The following PEMT variants were observed in gnomAD, a reference collection of about 807,000 sequenced individuals.
The protein encoded by PEMT is phospholipid methyltransferase.
Under a neutral mutation model 27.4 loss-of-function variants are expected in PEMT, and 23 were observed. The observed-to-expected ratio is 0.84, with a 90% CI of 0.60 to 1.19. PEMT has a LOEUF of 1.19. Ranked by LOEUF, PEMT falls within the 50% of genes most tolerant of loss-of-function variation. PEMT has a pLI of 0.00. For missense variants in PEMT, 307 were observed against 310.1 expected (o/e 0.99, Z 0.07); for synonymous variants, 137 against 139.1 (o/e 0.98, Z 0.11).
intron 2 of PEMT, among the ~76,000 whole-genome samples, chr17:17,540,587 C>G (rs1017767821): frequency 2.0e-5 from 3 of 152,220 alleles, no homozygotes; most frequent in African/African-American, 7.2e-5. Flanking sequence ...CTTGAGGACA[C>G]TGTCAGAAGG....
intron 2 of PEMT, 72 bp from the exon 3 acceptor site, chr17:17,522,467 G>A: frequency 1.1e-6 from 1 of 921,026 alleles, no homozygotes; most frequent in Non-Finnish European, 1.8e-6. Flanking sequence ...GGGAGCACAT[G>A]CCTCTCTCTG....
chr17:17,546,570 G>C (rs1909275071), intron 2 of PEMT, among the ~76,000 whole-genome samples: 1 of 152,214 alleles, frequency 6.6e-6, no homozygotes, highest in South Asian at 2.1e-4. Context: ...AAGATAACGG[G>C]ATGGCATCAG....
rs192141959 is a variant in PEMT at position 17,527,336 on chromosome 17, G to A, written c.205-4941C>T. 1.6e-3 allele frequency among the ~76,000 whole-genome samples: 247 copies of A among 152,258 alleles called. 1 individual carries two copies. The highest frequency in any genetic ancestry group is 1.1e-3 in the Non-Finnish European group (76 of 68,020). On this transcript the variant is annotated intron_variant, in intron 2 of 6. Coordinates refer to ENST00000255389, the MANE Select transcript of PEMT (RefSeq NM_148172.3). ...ACAGGAGTGAGCCACTGTGCCCGGT[G>A]AGGGTAGAATTTTTAAATCCCTCTT...
At chr17:17,535,782 G>A (rs949625670) in intron 2 of PEMT, among the ~76,000 whole-genome samples, 5 of 152,180 alleles carry the variant, frequency 3.3e-5, no homozygotes, top group Non-Finnish European at 7.3e-5. Context: ...CTGGGCATTG[G>A]GTACGGTGGT....
At chr17:17,552,613 G>A (rs751398163) in intron 2 of PEMT, among the ~76,000 whole-genome samples, 1 of 152,236 alleles carries the variant, frequency 6.6e-6, no homozygotes, top group Non-Finnish European at 1.5e-5. Context: ...AGACCTGCAG[G>A]CTGCAGAAAT....
upstream of PEMT, chr17:17,592,074 C>T: frequency 3.1e-6 from 3 of 983,520 alleles, no homozygotes; most frequent in Non-Finnish European, 3.6e-6. Flanking sequence ...GGACTTGGCC[C>T]GGGTCACACA....
At chr17:17,566,680 C>G (rs1910847493) in intron 2 of PEMT, among the ~76,000 whole-genome samples, 1 of 152,226 alleles carries the variant, frequency 6.6e-6, no homozygotes, top group African/African-American at 2.4e-5. Context: ...TGCAAAGGCA[C>G]TGAAGTACGG....
At chr17:17,587,373 C>T (rs904845951) in intron 1 of PEMT, among the ~76,000 whole-genome samples, 5 of 152,084 alleles carry the variant, frequency 3.3e-5, no homozygotes, top group Non-Finnish European at 7.4e-5. Context: ...AAAATTCATT[C>T]AAGAAATAAT....
chr17:17,591,417 G>T, intron 1 of PEMT, 114 bp downstream of exon 1: 88 of 721,972 alleles, frequency 1.2e-4, no homozygotes, highest in Non-Finnish European at 1.6e-4. Context: ...CGCCCCCATT[G>T]CCTGGGAACT....
At chr17:17,525,979 G>A (rs1907633126) in intron 2 of PEMT, among the ~76,000 whole-genome samples, 1 of 144,414 alleles carries the variant, frequency 6.9e-6, no homozygotes, top group South Asian at 2.2e-4. Context: ...GGGTGACAGA[G>A]CGAAACTCTG....
At chr17:17,529,779 T>C (rs1874196124) in intron 2 of PEMT, among the ~76,000 whole-genome samples, 1 of 152,180 alleles carries the variant, frequency 6.6e-6, no homozygotes, top group Admixed American at 6.5e-5. Flanking sequence ...AATAGGAACA[T>C]GGGCTCTGAG....
chr17:17,521,674 C>T (rs1424618046), intron 3 of PEMT, among the ~76,000 whole-genome samples: 2 of 152,222 alleles, frequency 1.3e-5, no homozygotes, highest in East Asian at 1.9e-4. Context: ...AAGCAATTCT[C>T]CTGCCTCAGC....
intron 2 of PEMT, among the ~76,000 whole-genome samples, chr17:17,552,534 G>A (rs1370775791): frequency 3.3e-5 from 5 of 152,176 alleles, no homozygotes; most frequent in African/African-American, 9.7e-5. Flanking sequence ...CACCCGCGGC[G>A]CACCCAAGCC....
chr17:17,522,851 A>G (rs1190582763), intron 2 of PEMT, among the ~76,000 whole-genome samples: 8 of 152,216 alleles, frequency 5.3e-5, no homozygotes, highest in Admixed American at 4.6e-4. Context: ...CACAGGCCCA[A>G]ATTTCCGCTG....
chr17:17,576,903 T>G lies in PEMT; in HGVS notation c.204+17A>C. On this transcript the variant is annotated intron_variant, in intron 2 of 6. Coordinates refer to ENST00000255389, the MANE Select transcript of PEMT (RefSeq NM_148172.3). ...GTGAGATACTCCCGTCTGGACAGTG[T>G]CAGGCACATCACTTACCACATTCCA... 1 of 1,595,462 alleles carries G rather than the reference T, an allele frequency of 6.3e-7. No individual in the cohort carries two copies. Among genetic ancestry groups the G allele is most frequent in the South Asian group, 1.1e-5 (1 of 90,678 alleles).
intron 2 of PEMT, among the ~76,000 whole-genome samples, chr17:17,572,355 C>T (rs1025257711): frequency 6.6e-6 from 1 of 152,230 alleles, no homozygotes; most frequent in Non-Finnish European, 1.5e-5. Flanking sequence ...TGTCTCTCCC[C>T]ATGGCCCGCA....
chr17:17,538,082 C>T (rs955598732), intron 2 of PEMT, among the ~76,000 whole-genome samples: 1 of 152,240 alleles, frequency 6.6e-6, no homozygotes, highest in Non-Finnish European at 1.5e-5. Flanking sequence ...TCCAACGCTG[C>T]AACAGGGGGC....
chr17:17,534,454 G>A (rs1403738372), intron 2 of PEMT, among the ~76,000 whole-genome samples: 3 of 152,244 alleles, frequency 2.0e-5, no homozygotes, highest in African/African-American at 4.8e-5. Context: ...AAGAGGGGCT[G>A]GGGGGATCTC....
At chr17:17,536,375 A>G (rs1214771604) in intron 2 of PEMT, among the ~76,000 whole-genome samples, 2 of 152,192 alleles carry the variant, frequency 1.3e-5, no homozygotes, top group African/African-American at 4.8e-5. Flanking sequence ...ATCTGTGCCA[A>G]TCTGACTTCA....
Sources: gnomAD v4.1 joint callset for allele counts (sites outside exome capture counted in the v4.1 genomes callset) on GRCh38, gnomAD v4.1.1 for gene constraint, MANE v1.5 for transcripts, NCBI Gene and HGNC (gene_info 2026-07-23, HGNC 2026-07-21) for gene names.